The following LDLRAD4 variants were observed in gnomAD, a reference collection of about 807,000 sequenced individuals.
LDLRAD4 encodes the protein low density lipoprotein receptor class A domain containing 4.
In LDLRAD4, 5 loss-of-function variants were observed where a neutral mutation model predicts 17.0. That is an observed-to-expected ratio of 0.29 (90% CI 0.15 to 0.62). The LOEUF is 0.62. LDLRAD4 is among the 20% of genes least tolerant of loss of function. The probability of loss-of-function intolerance (pLI) is 0.84; values close to 1 mark genes in which losing one functional copy is unlikely to be tolerated. For missense variants in LDLRAD4, 340 were observed against 424.7 expected (o/e 0.80, Z 1.75); for synonymous variants, 168 against 171.8 (o/e 0.98, Z 0.17).
intron 1 of LDLRAD4, among the ~76,000 whole-genome samples, chr18:13,324,686 A>G (rs1183061337): frequency 6.6e-6 from 1 of 152,176 alleles, no homozygotes; most frequent in Non-Finnish European, 1.5e-5. Flanking sequence ...TGCTGTAAAC[A>G]AAAAAGTGTC....
Position 13,398,460 on chromosome 18 carries a change from G to T in LDLRAD4, c.40+10698G>T, listed in dbSNP as rs1456729698. ...GAACATAAACAGTTTTGAAAAAAAA[G>T]AAAATTGCTGAAATACCATTGAGCT... On this transcript the variant is annotated intron_variant, in intron 2 of 5. Transcript: ENST00000359446. The surrounding 1 kb of genome is among the most constrained non-coding windows in gnomAD (Gnocchi z 4.8). Among the ~76,000 whole-genome samples, 1 of 152,070 alleles carries T rather than the reference G, an allele frequency of 6.6e-6. No individual in the cohort carries two copies. The highest frequency in any genetic ancestry group is 1.5e-5 in the Non-Finnish European group (1 of 68,002).
At chr18:13,309,178 C>T (rs997011849) in intron 1 of LDLRAD4, among the ~76,000 whole-genome samples, 5 of 152,186 alleles carry the variant, frequency 3.3e-5, no homozygotes, top group Admixed American at 6.5e-5. Context: ...GTGAGCGACC[C>T]GGCCCCACTT....
chr18:13,246,443 G>T (rs1411806280), intron 1 of LDLRAD4, among the ~76,000 whole-genome samples: 1 of 152,234 alleles, frequency 6.6e-6, no homozygotes, highest in Non-Finnish European at 1.5e-5. Context: ...AGAAATCTGT[G>T]GTCAGGTTTC....
At chr18:13,382,443 T>C (rs1045096039) in intron 1 of LDLRAD4, 1 of 152,252 alleles carries the variant, frequency 6.6e-6, no homozygotes, top group African/African-American at 2.4e-5. Context: ...GTTTTTAAAA[T>C]GTCCCTTCCT....
intron 3 of LDLRAD4, among the ~76,000 whole-genome samples, chr18:13,483,847 G>A (rs1395834681): frequency 1.3e-5 from 2 of 152,134 alleles, no homozygotes; most frequent in African/African-American, 4.8e-5. Context: ...TCTGTTCTGA[G>A]CCCCTCCTTC....
chr18:13,510,209 C>A (rs7240858), intron 3 of LDLRAD4, among the ~76,000 whole-genome samples: 55,875 of 151,884 alleles, frequency 0.37, 11,388 homozygotes, highest in African/African-American at 0.56. Flanking sequence ...GTTTTTGTAT[C>A]TGAACTGCGT....
At chr18:13,261,577 G>A (rs527499754) in intron 1 of LDLRAD4, among the ~76,000 whole-genome samples, 3 of 152,310 alleles carry the variant, frequency 2.0e-5, no homozygotes, top group East Asian at 1.9e-4. Context: ...AACCTCAGCC[G>A]TACCCTAGAG....
At chr18:13,222,481 C>T (rs1394610864) in intron 1 of LDLRAD4, among the ~76,000 whole-genome samples, 2 of 152,158 alleles carry the variant, frequency 1.3e-5, no homozygotes, top group African/African-American at 4.8e-5. Flanking sequence ...TTGCCAAGCT[C>T]CAGACAGATT....
chr18:13,534,475 C>T (rs2094173486), intron 3 of LDLRAD4, among the ~76,000 whole-genome samples: 1 of 151,992 alleles, frequency 6.6e-6, no homozygotes, highest in African/African-American at 2.4e-5. Context: ...AAGGAACATA[C>T]CTTGCAACAG....
intron 3 of LDLRAD4, among the ~76,000 whole-genome samples, chr18:13,524,211 G>T (rs1209870081): frequency 6.6e-6 from 1 of 152,206 alleles, no homozygotes; most frequent in Non-Finnish European, 1.5e-5. Flanking sequence ...TGATAGAGAA[G>T]AACCAAAGGG....
chr18:13,575,009 A>G (rs981610573), intron 3 of LDLRAD4, among the ~76,000 whole-genome samples: 1 of 152,226 alleles, frequency 6.6e-6, no homozygotes, highest in Admixed American at 6.5e-5. Flanking sequence ...ATTAAAAACA[A>G]ATGAACAAAC....
At chr18:13,549,263 AT>A (rs1012606993) in intron 3 of LDLRAD4, among the ~76,000 whole-genome samples, 5 of 152,196 alleles carry the variant, frequency 3.3e-5, no homozygotes, top group African/African-American at 1.2e-4. Context: ...TGCCCTGTTG[AT>A]TTTATTAAAC....
chr18:13,563,628 C>T (rs1037890596), intron 3 of LDLRAD4, among the ~76,000 whole-genome samples: 9 of 152,176 alleles, frequency 5.9e-5, no homozygotes, highest in East Asian at 5.8e-4. Flanking sequence ...TCAATGGTCA[C>T]GACATTAATG....
At chr18:13,474,385 A>G (rs116191888) in intron 3 of LDLRAD4, among the ~76,000 whole-genome samples, 1,524 of 152,238 alleles carry the variant, frequency 0.01, 26 homozygotes, top group African/African-American at 0.034. Flanking sequence ...AGTCAGACAT[A>G]TCCATCCCAA....
chr18:13,378,761 C>T (rs534376677), intron 1 of LDLRAD4, among the ~76,000 whole-genome samples: 8 of 152,170 alleles, frequency 5.3e-5, no homozygotes, highest in Admixed American at 2.6e-4. Context: ...TATCCTTTCT[C>T]CTGTTTCTCT....
intron 2 of LDLRAD4, among the ~76,000 whole-genome samples, chr18:13,389,156 G>T (rs756209801): frequency 3.9e-5 from 6 of 152,218 alleles, no homozygotes; most frequent in Non-Finnish European, 8.8e-5. Context: ...CATACCTGCA[G>T]CCCAGCTGTC....
chr18:13,589,695 G>A (rs1283429131), intron 3 of LDLRAD4, among the ~76,000 whole-genome samples: 1 of 152,182 alleles, frequency 6.6e-6, no homozygotes, highest in East Asian at 1.9e-4. Flanking sequence ...GCTTGGTAGG[G>A]CCTGACACTC....
At chr18:13,254,563 G>A (rs996740722) in intron 1 of LDLRAD4, among the ~76,000 whole-genome samples, 1 of 152,194 alleles carries the variant, frequency 6.6e-6, no homozygotes, top group African/African-American at 2.4e-5. Flanking sequence ...GAAGTCCAGC[G>A]GCATCTTTCC....
intron 4 of LDLRAD4, among the ~76,000 whole-genome samples, chr18:13,639,045 G>C (rs1352868891): frequency 6.6e-6 from 1 of 152,214 alleles, no homozygotes; most frequent in African/African-American, 2.4e-5. Context: ...ATTTCAGCCT[G>C]TATGAAGTTA....
Sources: allele counts gnomAD v4.1 joint callset (sites outside exome capture counted in the v4.1 genomes callset), GRCh38; gene constraint gnomAD v4.1.1; non-coding constraint Gnocchi (gnomAD v3.1); transcripts MANE v1.5; gene names NCBI Gene and HGNC (gene_info 2026-07-23, HGNC 2026-07-21).